Variants in USP9X observed in about 807,000 individuals in gnomAD.
USP9X encodes the protein ubiquitin specific peptidase 9 X-linked, also known as ubiquitin carboxyl-terminal hydrolase 9X.
Under a neutral mutation model 190.3 loss-of-function variants are expected in USP9X, and 7 were observed. That is an observed-to-expected ratio of 0.04 (90% confidence interval 0.02 to 0.07). The LOEUF (loss-of-function observed/expected upper bound fraction) is 0.07, where lower values mean the gene tolerates loss of function less well. Among genes scored for constraint, USP9X ranks in the 10% least tolerant of loss-of-function variants. USP9X has a pLI of 1.00. For missense variants in USP9X, 1,010 were observed against 1,916.9 expected, an observed-to-expected ratio of 0.53 and a Z score of 8.83; for synonymous variants, 645 against 659.5, an observed-to-expected ratio of 0.98 and a Z score of 0.34.
chrX:41,219,676 A>T (rs1023834746), intron 38 of USP9X, among the ~76,000 whole-genome samples: 2 of 112,008 alleles, frequency 1.8e-5, no homozygotes, highest in African/African-American at 6.5e-5. Flanking sequence ...TATGGATAAT[A>T]TAAATACTCG....
rs2063232674 is a variant in USP9X, at chrX:41,218,520, A to G, written c.6358A>G (p.Ile2120Val). The G allele has an allele frequency of 8.3e-7, 1 of 1,211,774 alleles. No homozygotes were observed. The highest frequency in any genetic ancestry group is 1.1e-6 in the Non-Finnish European group (1 of 895,590). The change falls in exon 37 of 45, where the codon ATA (isoleucine) becomes GTA (valine). Residue 2120 changes from isoleucine to valine, a missense_variant. Ile to Val is a conservative substitution (Grantham distance 29, BLOSUM62 3). Coordinates refer to ENST00000378308, the MANE Select transcript of USP9X (RefSeq NM_001039591.3). Reference sequence around the variant, plus strand: ...AGTGAGGGGTGCGTTTGCAAAACTTATAGTCTTTATTGCACATTTTTCCTT... The same window carrying G: ...AGTGAGGGGTGCGTTTGCAAAACTTGTAGTCTTTATTGCACATTTTTCCTT... Reference protein sequence around the residue: ...AEVRGAFAKLIVFIAHFSLQD... With the variant: ...AEVRGAFAKLVVFIAHFSLQD...
rs932155434 is a variant in USP9X at position 41,236,392 on chromosome X, C to T, written c.*3868C>T. On this transcript the variant is annotated 3_prime_UTR_variant, in exon 45 of 45. Transcript: ENST00000378308. ...TTTATAGGTGTAAGAGAAGCGGGGG[C>T]AAGGTGCACCACATTTTAAAACTGC... The T allele has an allele frequency of 9.0e-6, 1 of 111,600 alleles. No individual in the cohort carries two copies. The highest frequency in any genetic ancestry group is 3.3e-5 in the African/African-American group (1 of 30,625). The allele number at this position is 111,600 out of a possible 1,213,427, so 9.2% of individuals were successfully genotyped here. A position where few individuals can be genotyped will look rare whatever the true frequency, so the allele number is the denominator to read the frequency against.
chrX:41,131,069 A>T lies in USP9X; in HGVS notation c.243-388A>T, dbSNP rs1354385407. 3.6e-5 allele frequency among the ~76,000 whole-genome samples: 4 copies of T among 110,409 alleles called. No individual in the cohort carries two copies. The East Asian group carries it at 1.1e-3, about 31-fold the overall frequency. On this transcript the variant is annotated intron_variant, in intron 3 of 44. Transcript: ENST00000378308. Reference sequence around the variant, plus strand: ...AAAAAAAAAGGGGGGTGGCGGGGCAATGAAGAGGTTTATCATAATGTCTCC... The same window carrying T: ...AAAAAAAAAGGGGGGTGGCGGGGCATTGAAGAGGTTTATCATAATGTCTCC...
chrX:41,214,784 C>T, intron 34 of USP9X, 75 bp downstream of exon 34: 2 of 1,005,827 alleles, frequency 2.0e-6, no homozygotes, highest in South Asian at 4.6e-5. Flanking sequence ...TTTGGTTCAT[C>T]CTCACAAGTC....
chrX:41,128,721 C>A (rs2062279024), intron 2 of USP9X, among the ~76,000 whole-genome samples: 1 of 111,318 alleles, frequency 9.0e-6, no homozygotes, highest in Non-Finnish European at 1.9e-5. Context: ...ACTTATGATG[C>A]CTAATACAGT....
intron 12 of USP9X, among the ~76,000 whole-genome samples, chrX:41,149,509 T>C (rs1285284671): frequency 9.1e-6 from 1 of 109,595 alleles, no homozygotes; most frequent in Non-Finnish European, 1.9e-5. Context: ...TTTTCCCTTC[T>C]GCTTGCCAAA....
At chrX:41,212,314 A>G in intron 33 of USP9X, among the ~76,000 whole-genome samples, 1 of 108,194 alleles carries the variant, frequency 9.2e-6, no homozygotes, top group South Asian at 4.1e-4. Context: ...ACCCAGGGAC[A>G]CAAACACTGC....
Position 41,214,729 on chromosome X carries a change from G to A in USP9X, c.5331+20G>A, listed in dbSNP as rs368263756. 1.7e-6 allele frequency: 2 copies of A among 1,177,967 alleles called. No homozygotes were observed. Among genetic ancestry groups the A allele is most frequent in the Non-Finnish European group, 2.3e-6 (2 of 883,818 alleles). ...AAAAAGGTACGGGCTGTCCAGTTTT[G>A]TTTAATTTTGATTACATTTAATGGA... is the stretch of plus-strand genomic sequence containing the variant. On this transcript the variant is annotated intron_variant, in intron 34 of 44. Transcript: ENST00000378308.
chrX:41,108,689 G>T (rs982543522), intron 1 of USP9X, among the ~76,000 whole-genome samples: 7 of 111,381 alleles, frequency 6.3e-5, no homozygotes, highest in African/African-American at 2.3e-4. Context: ...CTTTCCCCCT[G>T]GGCAAAATCT....
At chrX:41,093,588 C>T (rs1285316708) in intron 1 of USP9X, among the ~76,000 whole-genome samples, 1 of 111,506 alleles carries the variant, frequency 9.0e-6, no homozygotes, top group Non-Finnish European at 1.9e-5. Context: ...GGTGATCCGC[C>T]TGCCTCGGCT....
chrX:41,218,898 A>T (rs1004821936), intron 37 of USP9X, among the ~76,000 whole-genome samples: 10 of 112,400 alleles, frequency 8.9e-5, no homozygotes, highest in East Asian at 5.6e-4. Context: ...AGATTTTTTT[A>T]AAAAATTACA....
chrX:41,162,999 C>A, intron 15 of USP9X, 122 bp downstream of exon 15: 1 of 397,163 alleles, frequency 2.5e-6, no homozygotes. Context: ...TCATGTAAGA[C>A]ATTTCCCTGT....
chrX:41,149,659 C>A lies in USP9X; in HGVS notation c.1626+1084C>A, dbSNP rs753510969. The stretch of plus-strand genomic sequence containing the variant: ...GGATACAAAGAGGTACCCACAAGGA[C>A]ATTCATTAGTGTTTATGGACATGAA... On this transcript the variant is annotated intron_variant, in intron 12 of 44. Transcript: ENST00000378308. Among the ~76,000 whole-genome samples, 3 of 110,228 alleles carry A rather than the reference C, an allele frequency of 2.7e-5. No homozygotes were observed. In the East Asian group the frequency reaches 8.5e-4, roughly 31 times the overall value.
Position 41,198,636 on chromosome X carries a change from A to G in USP9X, c.4489A>G (p.Thr1497Ala), listed in dbSNP as rs758226899. ...QAIPVCGSPP[T>A]INAGFELLVA... ...TATTCCGGTCTGTGGTTCACCACCT[A>G]CAATTAATGCTGGTTTTGAATTACT... The change falls in exon 30 of 45, where the codon ACA becomes GCA. Residue 1497 changes from threonine (T) to alanine (A), a missense_variant. Around this residue, in one of 11 missense-constraint regions of USP9X, gnomAD observed 351 missense variants for 480.8 expected, o/e 0.73. Transcript: ENST00000378308. 1 of 1,211,853 alleles carries G rather than the reference A, an allele frequency of 8.3e-7. No homozygotes were observed. The highest frequency in any genetic ancestry group is 1.1e-6 in the Non-Finnish European group (1 of 895,445).
chrX:41,140,546 G>T lies in USP9X; in HGVS notation c.655-110G>T, dbSNP rs759745411. On this transcript the variant is annotated intron_variant, in intron 6 of 44. Transcript: ENST00000378308. Reference sequence around the variant, plus strand: ...AATGTTTTGTGGTCCTTTGAAAGATGATTTATTTTATTGAATTTACTATTT... The same window carrying T: ...AATGTTTTGTGGTCCTTTGAAAGATTATTTATTTTATTGAATTTACTATTT... The T allele has an allele frequency of 7.6e-6, 4 of 523,400 alleles. No homozygotes were observed. The Admixed American group carries it at 1.7e-4, about 22-fold the overall frequency. 43.1% of individuals were successfully genotyped at this position (523,400 alleles called of 1,213,427 possible).
chrX:41,223,179 CCT>C (rs765090684), intron 38 of USP9X, 36 bp from the exon 39 acceptor site: 139 of 1,164,953 alleles, frequency 1.2e-4, no homozygotes, highest in Middle Eastern at 2.5e-4. Context: ...TATTTTTCTC[CCT>C]CTCTTTCTTC....
intron 1 of USP9X, among the ~76,000 whole-genome samples, chrX:41,109,838 G>T (rs747151580): frequency 9.0e-6 from 1 of 111,596 alleles, no homozygotes; most frequent in East Asian, 2.8e-4. Flanking sequence ...TTATCATAAT[G>T]TGTGATAAGA....
At chrX:41,103,942 A>G (rs968979326) in intron 1 of USP9X, among the ~76,000 whole-genome samples, 5 of 112,043 alleles carry the variant, frequency 4.5e-5, no homozygotes, top group African/African-American at 1.6e-4. Flanking sequence ...TTAGTTGTGT[A>G]GCACCACATA....
At chrX:41,170,948 C>T (rs2062720103) in intron 20 of USP9X, among the ~76,000 whole-genome samples, 1 of 111,668 alleles carries the variant, frequency 9.0e-6, no homozygotes, top group African/African-American at 3.3e-5. Context: ...TCCAGGACCT[C>T]TGCATATACC....
Sources: gnomAD v4.1 joint callset for allele counts (sites outside exome capture counted in the v4.1 genomes callset) on GRCh38, gnomAD v4.1.1 for gene constraint, gnomAD v4.1.1 regional missense constraint, MANE v1.5 for transcripts, NCBI Gene and HGNC (gene_info 2026-07-23, HGNC 2026-07-21) for gene names.